The following PPP4R4 variants were observed in gnomAD, a reference collection of about 807,000 sequenced individuals.
PPP4R4 encodes the protein serine/threonine-protein phosphatase 4 regulatory subunit 4.
PPP4R4 carries 70 observed loss-of-function variants against 121.8 expected under a neutral mutation model. That is an observed-to-expected ratio of 0.57 (90% CI 0.47 to 0.70). The LOEUF (loss-of-function observed/expected upper bound fraction) is 0.70, where lower values mean the gene tolerates loss of function less well. Among genes scored for constraint, PPP4R4 ranks in the 30% least tolerant of loss-of-function variants. The pLI, the probability that PPP4R4 is intolerant of heterozygous loss-of-function variation, is 0.00. For synonymous variants in PPP4R4, 348 were observed against 355.7 expected (o/e 0.98, Z 0.24); for missense variants, 875 against 1,033.6 (o/e 0.85, Z 2.10).
intron 2 of PPP4R4, among the ~76,000 whole-genome samples, chr14:94,200,903 T>C (rs1018156520): frequency 1.3e-5 from 2 of 152,142 alleles, no homozygotes; most frequent in African/African-American, 4.8e-5. Context: ...CTCTAGTTCC[T>C]TGAGGTGCGA....
At chr14:94,217,172 C>T (rs1048164203) in intron 3 of PPP4R4, among the ~76,000 whole-genome samples, 1 of 152,148 alleles carries the variant, frequency 6.6e-6, no homozygotes, top group South Asian at 2.1e-4. Flanking sequence ...TTGTCTACTA[C>T]TAGAGAAGGG....
At chr14:94,227,137 A>G in intron 3 of PPP4R4, 1 of 621,692 alleles carries the variant, frequency 1.6e-6, no homozygotes, top group Non-Finnish European at 2.7e-6. Flanking sequence ...AAAACTTGGA[A>G]ACGTGCCATT....
rs571897506 is a variant in PPP4R4 at position 94,218,429 on chromosome 14, C to T, written c.294+9863C>T. ...TCCTCACCCCTAGACACCGCACGCG[C>T]GCGCACACACACACACCCTCACCCC... On this transcript the variant is annotated intron_variant, in intron 3 of 24. Transcript: ENST00000304338. Among the ~76,000 whole-genome samples, 6 of 139,338 alleles carry T rather than the reference C, an allele frequency of 4.3e-5. No individual in the cohort carries two copies. In the East Asian group the frequency reaches 1.1e-3, roughly 26 times the overall value. The allele number at this position is 139,338 out of a possible 152,430, so 91.4% of individuals were successfully genotyped here.
chr14:94,234,813 G>A (rs1595506375), intron 7 of PPP4R4, 144 bp downstream of exon 7: 2 of 653,636 alleles, frequency 3.1e-6, no homozygotes, highest in East Asian at 3.0e-5. Flanking sequence ...TAGCATGGTG[G>A]TAGGCGTTTG....
intron 3 of PPP4R4, among the ~76,000 whole-genome samples, chr14:94,219,031 T>C (rs2139486940): frequency 6.6e-6 from 1 of 151,026 alleles, no homozygotes; most frequent in African/African-American, 2.4e-5. Flanking sequence ...ATCAAATCTA[T>C]ACCACAAGAA....
At chr14:94,226,161 C>T (rs926939475) in intron 3 of PPP4R4, among the ~76,000 whole-genome samples, 1 of 152,120 alleles carries the variant, frequency 6.6e-6, no homozygotes, top group Admixed American at 6.6e-5. Flanking sequence ...CAGAGTACTG[C>T]AGCTGGAAGG....
At chr14:94,272,192 G>A (rs1042533179) in intron 23 of PPP4R4, among the ~76,000 whole-genome samples, 3 of 152,126 alleles carry the variant, frequency 2.0e-5, no homozygotes, top group Non-Finnish European at 2.9e-5. Flanking sequence ...GAAAAGTCCC[G>A]GAATAGCCAA....
At position 94,223,740 on chromosome 14, in the gene PPP4R4, T is replaced by C. The variant is rs376032737; in HGVS notation, c.295-6847T>C. Among the ~76,000 whole-genome samples the C allele has an allele frequency of 2.6e-5, 4 of 152,352 alleles. No homozygotes were observed. The East Asian group carries it at 5.8e-4, about 22-fold the overall frequency. On this transcript the variant is annotated intron_variant, in intron 3 of 24. Coordinates refer to ENST00000304338, the MANE Select transcript of PPP4R4 (RefSeq NM_058237.2). ...CCTTGCCAAGAGGGTTGATTAGAGT[T>C]ACCTAGTCTGCCTTTATTGAAAGAG...
Position 94,278,728 on chromosome 14 carries a change from T to C in PPP4R4, c.*85T>C. On this transcript the variant is annotated 3_prime_UTR_variant, in exon 25 of 25. Coordinates refer to ENST00000304338, the MANE Select transcript of PPP4R4 (RefSeq NM_058237.2). Reference sequence around the variant, plus strand: ...CAAAAGCTAAAGCAGTGGCTGGGGCTTTGTTTTTAAATTTTGGGTTTTTTT... The same window carrying C: ...CAAAAGCTAAAGCAGTGGCTGGGGCCTTGTTTTTAAATTTTGGGTTTTTTT... 1 of 1,333,414 alleles carries C rather than the reference T, an allele frequency of 7.5e-7. No individual in the cohort carries two copies. The highest frequency in any genetic ancestry group is 9.9e-7 in the Non-Finnish European group (1 of 1,010,672). The allele number at this position is 1,333,414 out of a possible 1,614,324, so 82.6% of individuals were successfully genotyped here.
chr14:94,243,974 C>CT (rs1410148589), intron 11 of PPP4R4, among the ~76,000 whole-genome samples: 2 of 138,338 alleles, frequency 1.4e-5, no homozygotes, highest in East Asian at 3.1e-4. Flanking sequence ...ATCCAGGGAC[C>CT]ATTTTTTTTT....
intron 5 of PPP4R4, among the ~76,000 whole-genome samples, chr14:94,232,870 A>G (rs1892120296): frequency 6.6e-6 from 1 of 152,096 alleles, no homozygotes; most frequent in African/African-American, 2.4e-5. Flanking sequence ...CGTCCTGGCT[A>G]ACACGGTGAA....
intron 19 of PPP4R4, among the ~76,000 whole-genome samples, chr14:94,260,844 T>G (rs1212522961): frequency 6.6e-6 from 1 of 152,152 alleles, no homozygotes; most frequent in African/African-American, 2.4e-5. Flanking sequence ...TATCAATTCT[T>G]TCTTTGATAA....
chr14:94,197,512 T>A (rs1275295138), intron 2 of PPP4R4, among the ~76,000 whole-genome samples: 3 of 152,200 alleles, frequency 2.0e-5, no homozygotes, highest in Non-Finnish European at 2.9e-5. Context: ...TTCATAGGGG[T>A]ACTTTCATCA....
At chr14:94,189,875 G>A (rs1261986317) in intron 2 of PPP4R4, among the ~76,000 whole-genome samples, 1 of 152,142 alleles carries the variant, frequency 6.6e-6, no homozygotes, top group Non-Finnish European at 1.5e-5. Flanking sequence ...TAGGCATAAA[G>A]CATTATTGGA....
At chr14:94,252,263 G>A (rs187858867) in intron 16 of PPP4R4, among the ~76,000 whole-genome samples, 7 of 152,242 alleles carry the variant, frequency 4.6e-5, no homozygotes, top group African/African-American at 1.7e-4. Flanking sequence ...AAAGTTGTTT[G>A]GTGAGCATCC....
chr14:94,262,153 C>A (rs1893820898), intron 19 of PPP4R4, among the ~76,000 whole-genome samples: 1 of 151,904 alleles, frequency 6.6e-6, no homozygotes, highest in African/African-American at 2.4e-5. Flanking sequence ...ATAGAATTCA[C>A]TAGTGAAGTT....
chr14:94,270,465 A>G (rs967455934), intron 23 of PPP4R4, among the ~76,000 whole-genome samples: 1 of 152,260 alleles, frequency 6.6e-6, no homozygotes, highest in East Asian at 1.9e-4. Flanking sequence ...GAACTTAAAT[A>G]TAAGTTTGAT....
At chr14:94,256,081 C>G (rs931030563) in intron 16 of PPP4R4, among the ~76,000 whole-genome samples, 16 of 152,310 alleles carry the variant, frequency 1.1e-4, no homozygotes, top group Non-Finnish European at 1.9e-4. Context: ...TTCAGTGGAA[C>G]CTTCAATGAC....
chr14:94,227,205 A>C, intron 3 of PPP4R4: 1 of 1,129,634 alleles, frequency 8.9e-7, no homozygotes, highest in Non-Finnish European at 1.3e-6. Flanking sequence ...CAGCCGTACA[A>C]TAGTAATGTA....
Sources: allele counts gnomAD v4.1 joint callset (sites outside exome capture counted in the v4.1 genomes callset), GRCh38; gene constraint gnomAD v4.1.1; transcripts MANE v1.5; gene names NCBI Gene and HGNC (gene_info 2026-07-23, HGNC 2026-07-21).